The following IGF1 variants were observed in gnomAD, a reference collection of about 807,000 sequenced individuals.
IGF1 encodes insulin-like growth factor 1.
Under a neutral mutation model 13.8 loss-of-function variants are expected in IGF1, and 4 were observed. The ratio of observed to expected loss-of-function variants is 0.29; its 90% CI spans 0.14 to 0.66. The LOEUF (loss-of-function observed/expected upper bound fraction) is 0.66, where lower values mean the gene tolerates loss of function less well. IGF1 is among the 30% of genes least tolerant of loss of function. The pLI is 0.78. For synonymous variants in IGF1, 76 were observed against 72.6 expected (o/e 1.05, Z -0.23); for missense variants, 124 against 188.5 (o/e 0.66, Z 2.00).
intron 2 of IGF1, among the ~76,000 whole-genome samples, chr12:102,432,030 G>T (rs938874122): frequency 2.0e-5 from 3 of 152,108 alleles, no homozygotes; most frequent in Non-Finnish European, 4.4e-5. Context: ...AAATAGAGAA[G>T]TTTTTACCCA....
chr12:102,448,596 A>C (rs1289037561), intron 2 of IGF1, among the ~76,000 whole-genome samples: 1 of 147,622 alleles, frequency 6.8e-6, no homozygotes, highest in Non-Finnish European at 1.5e-5. Flanking sequence ...GCTAGATGAC[A>C]CATTAGTGGG....
Position 102,400,605 on chromosome 12 carries a change from G to A in IGF1, c.*1902C>T, listed in dbSNP as rs1244589150. 1 of 152,132 alleles carries A rather than the reference G, an allele frequency of 6.6e-6. No homozygotes were observed. Among genetic ancestry groups the A allele is most frequent in the Non-Finnish European group, 1.5e-5 (1 of 67,994 alleles). The allele number at this position is 152,132 out of a possible 1,614,324, so 9.4% of individuals were successfully genotyped here. A position where few individuals can be genotyped will look rare whatever the true frequency, so the allele number is the denominator to read the frequency against. On this transcript the variant is annotated 3_prime_UTR_variant, in exon 4 of 4. Transcript: ENST00000337514. ...AATAAGAGTAAAGTTTGTTAAAGAA[G>A]ATAACTTTGTGACTTTTTATTAGAT...
At chr12:102,430,319 G>A (rs1295530456) in intron 2 of IGF1, among the ~76,000 whole-genome samples, 1 of 152,102 alleles carries the variant, frequency 6.6e-6, no homozygotes, top group Non-Finnish European at 1.5e-5. Context: ...TTCCCTTTGG[G>A]AAAAAGGAGA....
At chr12:102,409,293 C>G (rs1253082202) in intron 3 of IGF1, among the ~76,000 whole-genome samples, 1 of 152,176 alleles carries the variant, frequency 6.6e-6, no homozygotes, top group Non-Finnish European at 1.5e-5. Context: ...TACATTTGCT[C>G]AAGCATTGAT....
intron 2 of IGF1, among the ~76,000 whole-genome samples, chr12:102,445,809 C>T (rs1371552406): frequency 6.6e-6 from 1 of 152,158 alleles, no homozygotes; most frequent in Non-Finnish European, 1.5e-5. Flanking sequence ...TTGTCCTGTG[C>T]TGGTTTTCAA....
chr12:102,475,879 C>T (rs1880995729), intron 1 of IGF1, 80 bp from the exon 2 acceptor site: 1 of 1,397,876 alleles, frequency 7.2e-7, no homozygotes, highest in Non-Finnish European at 9.9e-7. Context: ...AGTGCATTGA[C>T]TCCCACGATT....
intron 2 of IGF1, among the ~76,000 whole-genome samples, chr12:102,458,467 C>T (rs959942189): frequency 6.6e-6 from 1 of 152,156 alleles, no homozygotes; most frequent in Admixed American, 6.5e-5. Flanking sequence ...CAGCACTTCT[C>T]ACTCTGTACT....
intron 1 of IGF1, among the ~76,000 whole-genome samples, chr12:102,476,019 T>C (rs1881006624): frequency 6.6e-6 from 1 of 152,170 alleles, no homozygotes; most frequent in African/African-American, 2.4e-5. Flanking sequence ...CTACTGTGGA[T>C]CTTTGGAGGA....
At chr12:102,459,858 C>A (rs1879756590) in intron 2 of IGF1, among the ~76,000 whole-genome samples, 1 of 152,108 alleles carries the variant, frequency 6.6e-6, no homozygotes, top group Admixed American at 6.6e-5. Flanking sequence ...TTTATATAAA[C>A]CAGCAGCAGT....
chr12:102,418,012 A>T, intron 3 of IGF1: 1 of 1,603,272 alleles, frequency 6.2e-7, no homozygotes, highest in South Asian at 1.1e-5. Flanking sequence ...TACTGTAAAC[A>T]TCACAAAAAT....
chr12:102,407,260 T>A (rs1409751338), intron 3 of IGF1, among the ~76,000 whole-genome samples: 3 of 152,152 alleles, frequency 2.0e-5, no homozygotes, highest in Non-Finnish European at 4.4e-5. Context: ...GCGGTGTTAT[T>A]CCTGTCAGTC....
chr12:102,445,712 T>C (rs1044300188), intron 2 of IGF1, among the ~76,000 whole-genome samples: 1 of 152,004 alleles, frequency 6.6e-6, no homozygotes, highest in East Asian at 1.9e-4. Flanking sequence ...TTTCTTCCTA[T>C]TTGAAAACTA....
At chr12:102,432,241 G>T (rs563796634) in intron 2 of IGF1, among the ~76,000 whole-genome samples, 1 of 152,240 alleles carries the variant, frequency 6.6e-6, no homozygotes, top group Admixed American at 6.5e-5. Flanking sequence ...TTTTAAAACT[G>T]CAGAATATTT....
chr12:102,419,295 T>G (rs1875456455), intron 3 of IGF1, among the ~76,000 whole-genome samples: 2 of 152,208 alleles, frequency 1.3e-5, no homozygotes, highest in African/African-American at 4.8e-5. Flanking sequence ...TTTTGTAACA[T>G]CTTCCAATCA....
chr12:102,399,107 A>ATGTGTGTGTGTGTGTGTGTGTG lies in IGF1; in HGVS notation c.*3378_*3399dup, dbSNP rs3032446. The stretch of plus-strand genomic sequence containing the variant: ...GTATTCCATTGGATCCTTAGGGTGA[A>ATGTGTGTGTGTGTGTGTGTGTG]TGTGTGTGTGTGTGTGTGTGTGTGT... On this transcript the variant is annotated 3_prime_UTR_variant, in exon 4 of 4. Coordinates refer to ENST00000337514, the MANE Select transcript of IGF1 (RefSeq NM_000618.5). 5 of 137,692 alleles carry ATGTGTGTGTGTGTGTGTGTGTG rather than the reference A, an allele frequency of 3.6e-5. No homozygotes were observed. The highest frequency in any genetic ancestry group is 1.4e-4 in the African/African-American group (5 of 36,894). The allele number at this position is 137,692 out of a possible 1,614,324, so 8.5% of individuals were successfully genotyped here. A position where few individuals can be genotyped will look rare whatever the true frequency, so the allele number is the denominator to read the frequency against.
intron 2 of IGF1, among the ~76,000 whole-genome samples, chr12:102,469,163 C>T (rs1592829703): frequency 6.6e-6 from 1 of 152,188 alleles, no homozygotes; most frequent in South Asian, 2.1e-4. Flanking sequence ...CCACTGGCTG[C>T]TCCCACATCT....
intron 1 of IGF1, among the ~76,000 whole-genome samples, chr12:102,477,425 A>C (rs73390761): frequency 0.013 from 2,005 of 152,280 alleles, 33 homozygotes; most frequent in African/African-American, 0.046. Context: ...TAAAAGCTCA[A>C]CTGAACATTT....
chr12:102,456,208 T>C (rs76693752), intron 2 of IGF1, among the ~76,000 whole-genome samples: 1,785 of 148,282 alleles, frequency 0.012, 46 homozygotes, highest in African/African-American at 0.042. Context: ...TTCAATTTTT[T>C]CCATTTAAAA....
chr12:102,456,606 A>T (rs1384343207), intron 2 of IGF1, among the ~76,000 whole-genome samples: 1 of 152,162 alleles, frequency 6.6e-6, no homozygotes, highest in Non-Finnish European at 1.5e-5. Context: ...CTGAAACAAA[A>T]GCCTACTTTT....
Sources: gnomAD v4.1 joint callset for allele counts (sites outside exome capture counted in the v4.1 genomes callset) on GRCh38, gnomAD v4.1.1 for gene constraint, MANE v1.5 for transcripts, NCBI Gene and HGNC (gene_info 2026-07-23, HGNC 2026-07-21) for gene names.